Variants in NRG3 observed in about 807,000 individuals in gnomAD.
The protein encoded by NRG3 is pro-neuregulin-3, membrane-bound isoform.
Under a neutral mutation model 66.9 loss-of-function variants are expected in NRG3, and 31 were observed. That is an observed-to-expected ratio of 0.46 (90% CI 0.35 to 0.63). The LOEUF (loss-of-function observed/expected upper bound fraction) is 0.63, where lower values mean the gene tolerates loss of function less well. Among genes scored for constraint, NRG3 ranks in the 20% least tolerant of loss-of-function variants. The pLI is 0.00. For synonymous variants in NRG3, 393 were observed against 359.4 expected (o/e 1.09, Z -1.06); for missense variants, 910 against 878.9 (o/e 1.04, Z -0.45).
intron 2 of NRG3, among the ~76,000 whole-genome samples, chr10:82,419,605 T>G (rs1346143108): frequency 6.6e-6 from 1 of 152,200 alleles, no homozygotes; most frequent in Admixed American, 6.5e-5. Flanking sequence ...ATTCTTTCAT[T>G]GCAGATTTAT....
chr10:82,116,350 C>T (rs553059559), intron 1 of NRG3, among the ~76,000 whole-genome samples: 2 of 152,210 alleles, frequency 1.3e-5, no homozygotes, highest in South Asian at 2.1e-4. Flanking sequence ...TCTTAAACAG[C>T]GCTCTGGTTT....
chr10:82,442,005 A>T (rs1800636877), intron 2 of NRG3, among the ~76,000 whole-genome samples: 1 of 152,176 alleles, frequency 6.6e-6, no homozygotes, highest in South Asian at 2.1e-4. Flanking sequence ...CAAATGACTC[A>T]CTTCCTCAAG....
chr10:82,766,922 T>TA (rs2059535093), intron 3 of NRG3, among the ~76,000 whole-genome samples: 1 of 151,136 alleles, frequency 6.6e-6, no homozygotes, highest in Admixed American at 6.6e-5. Flanking sequence ...TTTTCTTACC[T>TA]TACTCATAGG....
At chr10:82,227,837 A>G (rs2076245202) in intron 1 of NRG3, among the ~76,000 whole-genome samples, 1 of 152,150 alleles carries the variant, frequency 6.6e-6, no homozygotes, top group African/African-American at 2.4e-5. Context: ...ACATCTCATT[A>G]CTTTCCTTTA....
At chr10:82,700,482 A>T (rs2055778286) in intron 2 of NRG3, among the ~76,000 whole-genome samples, 1 of 152,210 alleles carries the variant, frequency 6.6e-6, no homozygotes, top group Non-Finnish European at 1.5e-5. Flanking sequence ...TTTCAAAATG[A>T]AGAAAAGAAT....
chr10:82,521,541 C>T (rs1846181157), intron 2 of NRG3, among the ~76,000 whole-genome samples: 1 of 152,024 alleles, frequency 6.6e-6, no homozygotes, highest in African/African-American at 2.4e-5. Context: ...GGGGTTTCAC[C>T]GTGTTAGCCA....
intron 3 of NRG3, among the ~76,000 whole-genome samples, chr10:82,815,095 A>T (rs1167982931): frequency 6.6e-6 from 1 of 152,232 alleles, no homozygotes; most frequent in Non-Finnish European, 1.5e-5. Flanking sequence ...TTAAAGAAGT[A>T]TCTTCCAAAA....
At position 82,351,923 on chromosome 10, in the gene NRG3, C is replaced by G. The variant is rs534541462; in HGVS notation, c.824-6816C>G. On this transcript the variant is annotated intron_variant, in intron 1 of 8. Transcript: ENST00000372141. ...TCCAGCATATTGGATTTGTAGGCCA[C>G]TCAGTTAGCAATTGTCTTCACTTCT... Among the ~76,000 whole-genome samples, 7 of 152,324 alleles carry G rather than the reference C, an allele frequency of 4.6e-5. No homozygotes were observed. In the South Asian group the frequency reaches 1.0e-3, roughly 23 times the overall value.
At chr10:82,373,202 T>A (rs1016572840) in intron 2 of NRG3, among the ~76,000 whole-genome samples, 7 of 152,326 alleles carry the variant, frequency 4.6e-5, no homozygotes, top group Non-Finnish European at 7.3e-5. Context: ...ACAGCAGAGA[T>A]CAGAGAAAGA....
intron 2 of NRG3, among the ~76,000 whole-genome samples, chr10:82,531,138 A>G (rs1694847463): frequency 6.6e-6 from 1 of 151,756 alleles, no homozygotes; most frequent in Admixed American, 6.6e-5. Flanking sequence ...TTTCTCAATT[A>G]AAGACATTAT....
intron 1 of NRG3, among the ~76,000 whole-genome samples, chr10:82,342,237 A>G (rs2082722507): frequency 6.6e-6 from 1 of 151,952 alleles, no homozygotes; most frequent in South Asian, 2.1e-4. Flanking sequence ...GCAAGTACAG[A>G]TATCTTTTTG....
chr10:82,971,556 C>A (rs1244339965), intron 6 of NRG3, among the ~76,000 whole-genome samples: 3 of 151,836 alleles, frequency 2.0e-5, no homozygotes, highest in Admixed American at 2.0e-4. Context: ...CCTGCCTCAG[C>A]CTCCTGAGTA....
chr10:82,685,917 A>T (rs2054475993), intron 2 of NRG3, among the ~76,000 whole-genome samples: 1 of 152,162 alleles, frequency 6.6e-6, no homozygotes, highest in Non-Finnish European at 1.5e-5. Context: ...GTTCCACTAG[A>T]GGGTCTTCAG....
At chr10:82,829,210 A>G (rs1403874722) in intron 3 of NRG3, among the ~76,000 whole-genome samples, 3 of 152,182 alleles carry the variant, frequency 2.0e-5, no homozygotes. Flanking sequence ...ATTAAAAAAA[A>G]GAAAGATCTG....
intron 1 of NRG3, among the ~76,000 whole-genome samples, chr10:82,103,227 G>GT (rs2066868471): frequency 6.6e-6 from 1 of 151,944 alleles, no homozygotes; most frequent in Admixed American, 6.6e-5. Context: ...TCCTTTATAT[G>GT]TAATGTGCCA....
At chr10:81,935,385 T>G (rs1783541433) in intron 1 of NRG3, among the ~76,000 whole-genome samples, 1 of 152,292 alleles carries the variant, frequency 6.6e-6, no homozygotes, top group South Asian at 2.1e-4. Context: ...AAGCACCAGA[T>G]GACGATTTTT....
intron 4 of NRG3, among the ~76,000 whole-genome samples, chr10:82,933,991 T>G (rs1264517108): frequency 1.3e-5 from 2 of 152,118 alleles, no homozygotes; most frequent in African/African-American, 2.4e-5. Context: ...GGCTCTGGAT[T>G]GGGTTGGTTT....
intron 2 of NRG3, among the ~76,000 whole-genome samples, chr10:82,377,790 G>A (rs1040034723): frequency 6.6e-5 from 10 of 152,194 alleles, no homozygotes; most frequent in Admixed American, 6.5e-4. Flanking sequence ...TTGGGCTTTT[G>A]AGGGTGTGTC....
intron 1 of NRG3, among the ~76,000 whole-genome samples, chr10:82,223,642 A>AAAACACAC (rs1225527774): frequency 0.03 from 4,176 of 137,984 alleles, 84 homozygotes; most frequent in Admixed American, 0.031. Context: ...AACCACCCCA[A>AAAACACAC]ACACACACAC....
Sources: allele counts gnomAD v4.1 joint callset (sites outside exome capture counted in the v4.1 genomes callset), GRCh38; gene constraint gnomAD v4.1.1; transcripts MANE v1.5; gene names NCBI Gene and HGNC (gene_info 2026-07-23, HGNC 2026-07-21).